Variants in SLX4IP observed in about 807,000 individuals in gnomAD.
SLX4IP encodes SLX4 interacting protein.
In SLX4IP, 34 loss-of-function variants were observed where a neutral mutation model predicts 32.9. The ratio of observed to expected loss-of-function variants is 1.03; its 90% CI spans 0.79 to 1.38. SLX4IP has a LOEUF of 1.38. Among genes scored for constraint, SLX4IP ranks in the 40% most tolerant of loss-of-function variants. The pLI is 0.00. For missense variants in SLX4IP, 444 were observed against 479.0 expected, an observed-to-expected ratio of 0.93 and a Z score of 0.68; for synonymous variants, 172 against 171.7, an observed-to-expected ratio of 1.00 and a Z score of -0.01.
At chr20:10,502,947 A>G (rs1485292001) in intron 2 of SLX4IP, among the ~76,000 whole-genome samples, 1 of 152,124 alleles carries the variant, frequency 6.6e-6, no homozygotes, top group Non-Finnish European at 1.5e-5. Flanking sequence ...GCCCTTCACA[A>G]TGGGCATCTG....
chr20:10,474,641 G>A (rs1900903040), intron 2 of SLX4IP, among the ~76,000 whole-genome samples: 1 of 152,230 alleles, frequency 6.6e-6, no homozygotes, highest in South Asian at 2.1e-4. Context: ...GGGCCTTGGG[G>A]GCCTGGGCTG....
At position 10,551,390 on chromosome 20, in the gene SLX4IP, G is replaced by A. The variant is rs1379502383; in HGVS notation, c.28-4841G>A. 3.3e-5 allele frequency among the ~76,000 whole-genome samples: 5 copies of A among 152,322 alleles called. 1 individual carries two copies. In the South Asian group the frequency reaches 8.3e-4, roughly 25 times the overall value. On this transcript the variant is annotated intron_variant, in intron 2 of 7. Coordinates refer to ENST00000334534, the MANE Select transcript of SLX4IP (RefSeq NM_001009608.3). ...TCAGTGCACTGGGCCGAATAGTAAC[G>A]GCTTGGTCCCTGGAAAGGGCTTAGA...
At chr20:10,509,647 A>G in intron 2 of SLX4IP, among the ~76,000 whole-genome samples, 1 of 152,234 alleles carries the variant, frequency 6.6e-6, no homozygotes. Flanking sequence ...CATTGTTTAC[A>G]GTGGTGAAAA....
chr20:10,472,052 G>A (rs981949797), intron 2 of SLX4IP, among the ~76,000 whole-genome samples: 7 of 152,146 alleles, frequency 4.6e-5, no homozygotes, highest in Non-Finnish European at 7.3e-5. Context: ...GGAAATAACT[G>A]CCTCTTGATG....
intron 4 of SLX4IP, among the ~76,000 whole-genome samples, chr20:10,584,104 A>G (rs955331163): frequency 1.3e-5 from 2 of 152,246 alleles, no homozygotes; most frequent in African/African-American, 2.4e-5. Context: ...GAAGATAAAA[A>G]TAAAAAGCAC....
chr20:10,501,550 A>G lies in SLX4IP; in HGVS notation c.27+43319A>G, dbSNP rs183096284. On this transcript the variant is annotated intron_variant, in intron 2 of 7. Coordinates refer to ENST00000334534, the MANE Select transcript of SLX4IP (RefSeq NM_001009608.3). ...CTTCAGAGGCGGAACTGCTCATGATAAATACTTCTGCCTCCACAGAAGCCT... is the reference window on the plus strand; with the variant it reads ...CTTCAGAGGCGGAACTGCTCATGATGAATACTTCTGCCTCCACAGAAGCCT... Among the ~76,000 whole-genome samples the G allele has an allele frequency of 4.0e-3, 606 of 152,328 alleles. 7 individuals are homozygous for G. Among genetic ancestry groups the G allele is most frequent in the Non-Finnish European group, 4.0e-3 (271 of 68,032 alleles).
At position 10,496,667 on chromosome 20, in the gene SLX4IP, CA is replaced by C. The variant is rs146245596; in HGVS notation, c.27+38446del. 4.1e-4 allele frequency among the ~76,000 whole-genome samples: 60 copies of C among 145,234 alleles called. No individual in the cohort carries two copies. The East Asian group carries it at 8.2e-3, about 20-fold the overall frequency. ...AGGGAATTGGGAAAGGCCAAATGGACAAAAAAAAAAGGCGTGCTCACTGAGG... is the reference window on the plus strand; with the variant it reads ...AGGGAATTGGGAAAGGCCAAATGGACAAAAAAAAAGGCGTGCTCACTGAGG... On this transcript the variant is annotated intron_variant, in intron 2 of 7. Transcript: ENST00000334534.
At chr20:10,520,997 G>A (rs2065897332) in intron 2 of SLX4IP, among the ~76,000 whole-genome samples, 1 of 152,066 alleles carries the variant, frequency 6.6e-6, no homozygotes, top group South Asian at 2.1e-4. Context: ...ATTTAAAACA[G>A]TATATTTAAT....
Position 10,489,761 on chromosome 20 carries a change from T to C in SLX4IP, c.27+31530T>C, listed in dbSNP as rs563196335. 3.9e-3 allele frequency among the ~76,000 whole-genome samples: 587 copies of C among 152,330 alleles called. 3 individuals carry two copies. Among genetic ancestry groups the C allele is most frequent in the Non-Finnish European group, 4.0e-3 (275 of 68,028 alleles). ...ATGGCTTCTATTTCCTTTGTACTCC[T>C]CAGTGAGAGGGAAAGGGAAATGGTT... On this transcript the variant is annotated intron_variant, in intron 2 of 7. Transcript: ENST00000334534.
chr20:10,603,173 C>G (rs2066863655), intron 6 of SLX4IP, among the ~76,000 whole-genome samples: 1 of 152,120 alleles, frequency 6.6e-6, no homozygotes, highest in Non-Finnish European at 1.5e-5. Flanking sequence ...TTTAAGAAAA[C>G]AACAATTAAC....
At chr20:10,610,808 T>C (rs2122559803) in intron 6 of SLX4IP, among the ~76,000 whole-genome samples, 1 of 152,356 alleles carries the variant, frequency 6.6e-6, no homozygotes, top group South Asian at 2.1e-4. Context: ...CTTTTCGTTA[T>C]TCATTGCGAC....
At chr20:10,460,496 T>C (rs1047778810) in intron 2 of SLX4IP, among the ~76,000 whole-genome samples, 1 of 152,214 alleles carries the variant, frequency 6.6e-6, no homozygotes, top group Non-Finnish European at 1.5e-5. Context: ...GTTGGAATCA[T>C]TGCTGGATCT....
intron 4 of SLX4IP, among the ~76,000 whole-genome samples, chr20:10,566,507 T>G (rs1245009109): frequency 1.3e-5 from 2 of 152,086 alleles, no homozygotes; most frequent in Non-Finnish European, 2.9e-5. Context: ...GGATGGAACG[T>G]AAACGTTTGC....
chr20:10,556,308 A>G lies in SLX4IP; in HGVS notation c.105A>G (p.Glu35=), dbSNP rs73243730. 6.1e-4 allele frequency: 986 copies of G among 1,613,356 alleles called. 6 individuals are homozygous for G. The African/African-American group carries it at 0.012, about 19-fold the overall frequency. The change falls in exon 3 of 8, where the codon GAA becomes GAG. Residue 35 remains glutamate (E), a synonymous_variant. Transcript: ENST00000334534. ...ACAAAGATACAAGCTGGTTTTCTGA[A>G]CAGAAGAAAGAGGTACAACAAAACT... ...GSNKDTSWFS[E]QKKEEVCLLL...
chr20:10,473,227 C>G (rs2065441086), intron 2 of SLX4IP, among the ~76,000 whole-genome samples: 1 of 152,142 alleles, frequency 6.6e-6, no homozygotes, highest in South Asian at 2.1e-4. Flanking sequence ...TGGGCATGCA[C>G]TTCTACTCAC....
In SLX4IP at chr20:10,490,513, C is replaced by T. The variant is rs1304511816; in HGVS notation, c.27+32282C>T. On this transcript the variant is annotated intron_variant, in intron 2 of 7. Transcript: ENST00000334534. ...TCACAGTCTCATAGAACCTTCTGAC[C>T]TCACATTGAGACTGGTCACTCAGTT... is the stretch of plus-strand genomic sequence containing the variant. Among the ~76,000 whole-genome samples, 5 of 152,164 alleles carry T rather than the reference C, an allele frequency of 3.3e-5. No individual in the cohort carries two copies. In the East Asian group the frequency reaches 9.6e-4, roughly 29 times the overall value.
chr20:10,612,182 CA>C (rs2066974707), intron 6 of SLX4IP, among the ~76,000 whole-genome samples: 1 of 152,214 alleles, frequency 6.6e-6, no homozygotes, highest in Non-Finnish European at 1.5e-5. Context: ...TTTGTGAAGG[CA>C]TCACATTTGA....
chr20:10,585,515 ACTTTTC>A (rs1002763003), intron 4 of SLX4IP, among the ~76,000 whole-genome samples: 36 of 151,092 alleles, frequency 2.4e-4, no homozygotes, highest in Admixed American at 4.0e-4. Context: ...CTGAACTCCA[ACTTTTC>A]CTTTTCCTTT....
At chr20:10,618,891 C>G (rs886732341) in intron 6 of SLX4IP, among the ~76,000 whole-genome samples, 12 of 122,972 alleles carry the variant, frequency 9.8e-5, no homozygotes, top group East Asian at 2.5e-4. Flanking sequence ...AATCCTGTTC[C>G]CAGGTGATAG....
Sources: gnomAD v4.1 joint callset for allele counts (sites outside exome capture counted in the v4.1 genomes callset) on GRCh38, gnomAD v4.1.1 for gene constraint, MANE v1.5 for transcripts, NCBI Gene and HGNC (gene_info 2026-07-23, HGNC 2026-07-21) for gene names.